TNRC6A: variants seen among roughly 807,000 people sequenced by gnomAD.
The protein encoded by TNRC6A is trinucleotide repeat containing adaptor 6A.
Under a neutral mutation model 221.2 loss-of-function variants are expected in TNRC6A, and 44 were observed. The ratio of observed to expected loss-of-function variants is 0.20; its 90% confidence interval spans 0.16 to 0.26. The LOEUF (loss-of-function observed/expected upper bound fraction) is 0.26, where lower values mean the gene tolerates loss of function less well. Ranked by LOEUF, TNRC6A falls within the 10% of genes least tolerant of loss-of-function variation. The probability of loss-of-function intolerance (pLI) is 1.00; values close to 1 mark genes in which losing one functional copy is unlikely to be tolerated. For synonymous variants in TNRC6A, 847 were observed against 838.5 expected (o/e 1.01, Z -0.18); for missense variants, 2,199 against 2,404.4 (o/e 0.91, Z 1.79).
intron 11 of TNRC6A, 77 bp downstream of exon 11, chr16:24,798,043 C>G: frequency 3.0e-6 from 4 of 1,331,452 alleles, no homozygotes; most frequent in Non-Finnish European, 4.2e-6. Flanking sequence ...CTGAAAGAGC[C>G]CTGACGTAGA....
At chr16:24,618,714 A>C (rs1332525910) in intron 1 of TNRC6A, among the ~76,000 whole-genome samples, 3 of 140,786 alleles carry the variant, frequency 2.1e-5, no homozygotes, top group African/African-American at 8.1e-5. Context: ...ACACTGGCGC[A>C]ACCATGGCTC....
chr16:24,767,104 A>AT (rs1275107754), intron 4 of TNRC6A, among the ~76,000 whole-genome samples: 1 of 152,232 alleles, frequency 6.6e-6, no homozygotes, highest in Non-Finnish European at 1.5e-5. Context: ...CATCAGATGT[A>AT]TTTGATGCAA....
At chr16:24,706,664 C>T (rs890151035) in intron 2 of TNRC6A, among the ~76,000 whole-genome samples, 2 of 145,952 alleles carry the variant, frequency 1.4e-5, no homozygotes, top group Non-Finnish European at 3.0e-5. Context: ...TGCACTCCAG[C>T]CTGGGTGACA....
At chr16:24,621,191 A>T (rs1900656457) in intron 1 of TNRC6A, among the ~76,000 whole-genome samples, 1 of 151,796 alleles carries the variant, frequency 6.6e-6, no homozygotes, top group South Asian at 2.1e-4. Flanking sequence ...AATAATTTTA[A>T]AAAAAACATG....
intron 5 of TNRC6A, among the ~76,000 whole-genome samples, chr16:24,787,882 C>T (rs1235552440): frequency 6.6e-6 from 1 of 152,094 alleles, no homozygotes; most frequent in Non-Finnish European, 1.5e-5. Flanking sequence ...GCCTACAACC[C>T]CTGAAGGTTG....
intron 15 of TNRC6A, 41 bp downstream of exon 15, chr16:24,805,774 G>A (rs1330720748): frequency 3.7e-6 from 6 of 1,613,198 alleles, no homozygotes; most frequent in South Asian, 3.3e-5. Flanking sequence ...CATTTATGGA[G>A]CATCTACTGT....
chr16:24,730,738 CCCG>C (rs1450546940), intron 2 of TNRC6A, among the ~76,000 whole-genome samples: 149 of 11,212 alleles, frequency 0.013, 1 homozygote, highest in African/African-American at 0.016. Context: ...CGCATTCCCC[CCCG>C]CCCCCCCCCC....
rs745367719 is a variant in TNRC6A, at chr16:24,805,743, G to A, written c.4251+10G>A. ...GATCTCCCAGTTACAGGTAAGCAGA[G>A]TCATAGTCTTTCTTAGTACACATTT... On this transcript the variant is annotated intron_variant, in intron 15 of 24. Coordinates refer to ENST00000395799, the MANE Select transcript of TNRC6A (RefSeq NM_014494.4). The A allele has an allele frequency of 1.2e-5, 20 of 1,614,054 alleles. No homozygotes were observed. Among genetic ancestry groups the A allele is most frequent in the East Asian group, 6.7e-5 (3 of 44,896 alleles).
intron 6 of TNRC6A, 101 bp downstream of exon 6, chr16:24,791,918 C>T: frequency 7.8e-7 from 1 of 1,290,168 alleles, no homozygotes; most frequent in South Asian, 2.0e-5. Flanking sequence ...GCTGTTCTTA[C>T]TGTAATCCAG....
chr16:24,804,205 A>T lies in TNRC6A; in HGVS notation c.3723A>T (p.Ile1241=), dbSNP rs2058383098. The change falls in exon 12 of 25, where the codon ATA becomes ATT. Residue 1241 remains isoleucine (I), a synonymous_variant. Coordinates refer to ENST00000395799, the MANE Select transcript of TNRC6A (RefSeq NM_014494.4). The part of the protein sequence containing the change: ...GGMLQDKRME[I]DKHSLNIGDY... ...TGTTACAAGACAAACGAATGGAGAT[A>T]GATAAACATAGCCTAAATATTGGTG... 2.5e-6 allele frequency: 4 copies of T among 1,611,486 alleles called. No individual in the cohort carries two copies. The East Asian group carries it at 8.9e-5, about 36-fold the overall frequency.
chr16:24,628,667 T>A (rs1400965957), intron 1 of TNRC6A, among the ~76,000 whole-genome samples: 1 of 152,182 alleles, frequency 6.6e-6, no homozygotes, highest in Non-Finnish European at 1.5e-5. Flanking sequence ...AGACAGTATA[T>A]AATACATATA....
intron 2 of TNRC6A, among the ~76,000 whole-genome samples, chr16:24,652,082 T>C (rs947063303): frequency 6.6e-6 from 1 of 151,894 alleles, no homozygotes; most frequent in African/African-American, 2.4e-5. Flanking sequence ...AATGCATGTA[T>C]GTATTACTCA....
intron 2 of TNRC6A, among the ~76,000 whole-genome samples, chr16:24,700,397 G>A (rs1017516381): frequency 1.3e-5 from 2 of 151,922 alleles, no homozygotes; most frequent in African/African-American, 2.4e-5. Flanking sequence ...CACCATGCCC[G>A]GCTAATTTTT....
At position 24,790,644 on chromosome 16, in the gene TNRC6A, G is replaced by A. The variant is rs2058078568; in HGVS notation, c.2002G>A (p.Gly668Ser). 6.2e-7 allele frequency: 1 copy of A among 1,614,042 alleles called. No homozygotes were observed. Among genetic ancestry groups the A allele is most frequent in the Non-Finnish European group, 8.5e-7 (1 of 1,180,046 alleles). Reference sequence around the variant, plus strand: ...AAGCAGTGTGTGGGCCAAAACAGGAGGTACAGTGGAGAGCGATGGTAGTAC... The same window carrying A: ...AAGCAGTGTGTGGGCCAAAACAGGAAGTACAGTGGAGAGCGATGGTAGTAC... ...EQSSVWAKTG[G>S]TVESDGSTES... Residue 668 changes from glycine to serine, a missense_variant, in exon 6 of 25, where the codon GGT becomes AGT. Coordinates refer to ENST00000395799, the MANE Select transcript of TNRC6A (RefSeq NM_014494.4).
intron 2 of TNRC6A, among the ~76,000 whole-genome samples, chr16:24,749,582 C>T (rs951450719): frequency 6.6e-6 from 1 of 152,206 alleles, no homozygotes; most frequent in African/African-American, 2.4e-5. Flanking sequence ...GGAACCCTCT[C>T]TAGAGCTCCA....
intron 1 of TNRC6A, among the ~76,000 whole-genome samples, chr16:24,624,830 A>G (rs1403652675): frequency 6.6e-6 from 1 of 152,206 alleles, no homozygotes; most frequent in Non-Finnish European, 1.5e-5. Flanking sequence ...AGTGCTGACG[A>G]AGTAATACAA....
At chr16:24,652,942 G>A (rs998150709) in intron 2 of TNRC6A, among the ~76,000 whole-genome samples, 12 of 152,198 alleles carry the variant, frequency 7.9e-5, no homozygotes, top group African/African-American at 2.9e-4. Flanking sequence ...AATTCAATCA[G>A]CAGAGAGGCC....
At chr16:24,678,517 C>T (rs1296157166) in intron 2 of TNRC6A, among the ~76,000 whole-genome samples, 2 of 152,156 alleles carry the variant, frequency 1.3e-5, no homozygotes, top group African/African-American at 4.8e-5. Flanking sequence ...TCAGGGAGAT[C>T]TGCTGATGAC....
At chr16:24,726,862 C>T (rs992160234), upstream of TNRC6A, among the ~76,000 whole-genome samples, 3 of 152,196 alleles carry the variant, frequency 2.0e-5, no homozygotes, top group Admixed American at 6.5e-5. Flanking sequence ...GGAATCAGTG[C>T]TGATCTTATA....
Sources: allele counts gnomAD v4.1 joint callset (sites outside exome capture counted in the v4.1 genomes callset), GRCh38; gene constraint gnomAD v4.1.1; transcripts MANE v1.5; gene names NCBI Gene and HGNC (gene_info 2026-07-23, HGNC 2026-07-21).